Variants in OGT observed in about 807,000 individuals in gnomAD.
OGT encodes the protein UDP-N-acetylglucosamine--peptide N-acetylglucosaminyltransferase 110 kDa subunit.
Under a neutral mutation model 75.8 loss-of-function variants are expected in OGT, and 3 were observed. That is an observed-to-expected ratio of 0.04 (90% confidence interval 0.02 to 0.10). OGT has a LOEUF of 0.10. OGT is among the 10% of genes least tolerant of loss of function. The pLI is 1.00. For synonymous variants in OGT, 257 were observed against 289.7 expected (o/e 0.89, Z 1.15); for missense variants, 260 against 824.4 (o/e 0.32, Z 8.38).
rs73544860 is a variant in OGT at position 71,556,406 on chromosome X, T to C, written c.1066-274T>C. ...CTGATGGCTGTATGGTAGTGGTTAG[T>C]AGATGTGGTAGGAGTTTAGCAGAGA... is the stretch of plus-strand genomic sequence containing the variant. On this transcript the variant is annotated intron_variant, in intron 8 of 21. Coordinates refer to ENST00000373719, the MANE Select transcript of OGT (RefSeq NM_181672.3). 4.4e-3 allele frequency: 1,566 copies of C among 359,444 alleles called. 22 individuals carry two copies. The highest frequency in any genetic ancestry group is 0.034 in the African/African-American group (1,340 of 38,842). The allele number at this position is 359,444 out of a possible 1,213,427, so 29.6% of individuals were successfully genotyped here.
In OGT at chrX:71,540,145, A is replaced by G. The variant is rs529819950; in HGVS notation, c.462+2073A>G. ...GTGGAAGGTGCTGCTTTACTTATTTATTACTGTTTTTACCAATAAGAATGA... is the reference window on the plus strand; with the variant it reads ...GTGGAAGGTGCTGCTTTACTTATTTGTTACTGTTTTTACCAATAAGAATGA... On this transcript the variant is annotated intron_variant, in intron 3 of 21. Transcript: ENST00000373719. Among the ~76,000 whole-genome samples the G allele has an allele frequency of 5.3e-5, 6 of 112,282 alleles. No individual in the cohort carries two copies. The South Asian group carries it at 2.2e-3, about 41-fold the overall frequency.
Position 71,573,914 on chromosome X carries a change from T to C in OGT, c.*120T>C. ...TACCTTGTTGCAGATGGGTGATATA[T>C]AATGGTAATAGAATAGCACAGCCAG... On this transcript the variant is annotated 3_prime_UTR_variant, in exon 22 of 22. Transcript: ENST00000373719. The C allele has an allele frequency of 2.0e-6, 1 of 493,068 alleles. No homozygotes were observed. 40.6% of individuals were successfully genotyped at this position (493,068 alleles called of 1,213,427 possible).
chrX:71,556,173 T>C (rs1400877595), intron 8 of OGT, 79 bp downstream of exon 8: 3 of 1,047,336 alleles, frequency 2.9e-6, no homozygotes, highest in Non-Finnish European at 3.9e-6. Context: ...TCCACCTCTT[T>C]TGTAAAAATA....
At chrX:71,545,581 G>T (rs1452588564) in intron 4 of OGT, 2 of 112,572 alleles carry the variant, frequency 1.8e-5, no homozygotes, top group Non-Finnish European at 3.7e-5. Context: ...AGCCCCACGC[G>T]CATGCTAATG....
intron 12 of OGT, among the ~76,000 whole-genome samples, chrX:71,558,501 C>A (rs973101880): frequency 1.8e-5 from 2 of 109,625 alleles, no homozygotes; most frequent in Non-Finnish European, 3.8e-5. Flanking sequence ...GCTAGGATTA[C>A]AGGCGTGTGC....
At chrX:71,551,206 CAT>C (rs1403481968) in intron 5 of OGT, among the ~76,000 whole-genome samples, 3 of 112,215 alleles carry the variant, frequency 2.7e-5, no homozygotes, top group Non-Finnish European at 5.6e-5. Context: ...AAGAATAAAG[CAT>C]ATGTCTTCCC....
intron 5 of OGT, among the ~76,000 whole-genome samples, chrX:71,550,677 G>A (rs6625800): frequency 2.9e-4 from 32 of 112,118 alleles, no homozygotes; most frequent in African/African-American, 8.7e-4. Flanking sequence ...CTCCTAATCC[G>A]GGGTTGCCTA....
intron 1 of OGT, 135 bp downstream of exon 1, chrX:71,533,471 C>T (rs750713560): frequency 2.1e-4 from 117 of 566,888 alleles, no homozygotes; most frequent in Middle Eastern, 3.9e-4. Context: ...TTTTCGTGGT[C>T]TACTGGCATC....
rs1159206998 is a variant in OGT, at chrX:71,538,063, G to A, written c.453G>A (p.Gln151=). The change falls in exon 3 of 22, where the codon CAG becomes CAA. Residue 151 remains glutamine, a synonymous_variant. Transcript: ENST00000373719. ...TACAAGCTTACGTCTCTGCTCTTCA[G>A]TACAATCCTGTGAGTAAAATTTTAA... ...GAVQAYVSAL[Q]YNPDLYCVRS... The A allele has an allele frequency of 8.3e-7, 1 of 1,205,214 alleles. No individual in the cohort carries two copies. The highest frequency in any genetic ancestry group is 1.1e-6 in the Non-Finnish European group (1 of 891,291).
At chrX:71,547,029 T>C in intron 4 of OGT, 1 of 754,884 alleles carries the variant, frequency 1.3e-6, no homozygotes, top group Non-Finnish European at 1.6e-6. Flanking sequence ...AGGGGTGTTC[T>C]ATGTAGCGCA....
intron 3 of OGT, among the ~76,000 whole-genome samples, chrX:71,541,774 A>G (rs940823631): frequency 9.4e-6 from 1 of 106,415 alleles, no homozygotes; most frequent in Non-Finnish European, 1.9e-5. Context: ...TATCGACCTG[A>G]TTTTACTTCA....
intron 1 of OGT, 65 bp from the exon 2 acceptor site, chrX:71,536,113 T>G (rs1248946345): frequency 1.0e-6 from 1 of 971,463 alleles, no homozygotes; most frequent in Non-Finnish European, 1.4e-6. Flanking sequence ...TACATTTTTT[T>G]GGTTTACATT....
At chrX:71,555,854 C>A in intron 7 of OGT, 100 bp from the exon 8 acceptor site, 2 of 970,800 alleles carry the variant, frequency 2.1e-6, no homozygotes, top group Non-Finnish European at 1.4e-6. Flanking sequence ...TTTTCTGTAG[C>A]ATTACCAGCC....
At chrX:71,565,235 C>T in intron 19 of OGT, among the ~76,000 whole-genome samples, 1 of 111,540 alleles carries the variant, frequency 9.0e-6, no homozygotes, top group South Asian at 3.7e-4. Flanking sequence ...GGGTTATGCC[C>T]TTTTTTTAAA....
At chrX:71,563,751 C>T (rs2040399463) in intron 18 of OGT, among the ~76,000 whole-genome samples, 1 of 112,137 alleles carries the variant, frequency 8.9e-6, no homozygotes, top group Non-Finnish European at 1.9e-5. Flanking sequence ...GCTTTACTCT[C>T]TTACATGATG....
At chrX:71,537,718 A>C in intron 2 of OGT, 111 bp from the exon 3 acceptor site, 1 of 900,820 alleles carries the variant, frequency 1.1e-6, no homozygotes, top group Non-Finnish European at 1.6e-6. Context: ...AAGATAAGGT[A>C]TTATATAATG....
Position 71,555,322 on chromosome X carries a change from A to G in OGT, c.861A>G (p.Glu287=), listed in dbSNP as rs751260235. Residue 287 remains glutamate (E), a synonymous_variant, in exon 7 of 22, where the codon GAA becomes GAG. Transcript: ENST00000373719. The part of the protein sequence containing the change: ...LAIDTYRRAI[E]LQPHFPDAYC... ...TAGACACCTACAGGCGGGCTATCGAACTACAACCACATTTCCCTGATGCTT... is the reference window on the plus strand; with the variant it reads ...TAGACACCTACAGGCGGGCTATCGAGCTACAACCACATTTCCCTGATGCTT... 1 of 1,211,553 alleles carries G rather than the reference A, an allele frequency of 8.3e-7. No homozygotes were observed. The highest frequency in any genetic ancestry group is 3.0e-5 in the East Asian group (1 of 33,857).
intron 21 of OGT, among the ~76,000 whole-genome samples, chrX:71,570,011 G>C (rs2040444428): frequency 1.0e-5 from 1 of 97,398 alleles, no homozygotes; most frequent in Admixed American, 1.2e-4. Context: ...TGCGATTACA[G>C]GAGTGAGCCA....
chrX:71,537,642 A>G (rs2040188511), intron 2 of OGT, among the ~76,000 whole-genome samples, 187 bp from the exon 3 acceptor site: 2 of 112,897 alleles, frequency 1.8e-5, no homozygotes, highest in African/African-American at 6.4e-5. Context: ...TCATTTTGAA[A>G]TCTAGAATAC....
Sources: gnomAD v4.1 joint callset for allele counts (sites outside exome capture counted in the v4.1 genomes callset) on GRCh38, gnomAD v4.1.1 for gene constraint, MANE v1.5 for transcripts, NCBI Gene and HGNC (gene_info 2026-07-23, HGNC 2026-07-21) for gene names.